GCDH: variants seen among roughly 807,000 people sequenced by gnomAD.
GCDH encodes glutaryl-CoA dehydrogenase, mitochondrial.
GCDH carries 31 observed loss-of-function variants against 52.8 expected under a neutral mutation model. That is an observed-to-expected ratio of 0.59 (90% CI 0.44 to 0.79). GCDH has a LOEUF of 0.79. Among genes scored for constraint, GCDH ranks in the 30% least tolerant of loss-of-function variants. GCDH has a pLI of 0.00. For missense variants in GCDH, 509 were observed against 595.0 expected, an observed-to-expected ratio of 0.86 and a Z score of 1.50; for synonymous variants, 242 against 250.0, an observed-to-expected ratio of 0.97 and a Z score of 0.30.
At chr19:12,895,543 G>A (rs1299702989) in intron 6 of GCDH, among the ~76,000 whole-genome samples, 1 of 151,850 alleles carries the variant, frequency 6.6e-6, no homozygotes, top group East Asian at 1.9e-4. Context: ...TTACATGTGT[G>A]AGCCACCTCG....
chr19:12,899,764 A>G lies in GCDH; in HGVS notation c.*223A>G. 1 of 1,609,600 alleles carries G rather than the reference A, an allele frequency of 6.2e-7. No individual in the cohort carries two copies. The highest frequency in any genetic ancestry group is 8.5e-7 in the Non-Finnish European group (1 of 1,176,834). On this transcript the variant is annotated 3_prime_UTR_variant, in exon 12 of 12. Coordinates refer to ENST00000222214, the MANE Select transcript of GCDH (RefSeq NM_000159.4). ...TGTAGAGCGTCTCAATCCACTTTTA[A>G]CCATGGATGAGAGCAGACTCCATTT...
At chr19:12,893,032 T>A (rs368713663) in intron 5 of GCDH, among the ~76,000 whole-genome samples, 2 of 151,428 alleles carry the variant, frequency 1.3e-5, no homozygotes, top group South Asian at 4.2e-4. Context: ...ATTACAGGGG[T>A]GCACCACCAC....
chr19:12,894,775 C>A, intron 6 of GCDH: 1 of 816,890 alleles, frequency 1.2e-6, no homozygotes, highest in Non-Finnish European at 1.9e-6. Flanking sequence ...AACTTTTGGC[C>A]AAGAGAATGA....
At chr19:12,897,127 G>A (rs1970699789) in intron 9 of GCDH, 114 bp downstream of exon 9, 1 of 1,186,994 alleles carries the variant, frequency 8.4e-7, no homozygotes. Flanking sequence ...TCCTTGCTCT[G>A]GAATGACCAG....
chr19:12,893,325 C>T (rs982553357), intron 5 of GCDH, among the ~76,000 whole-genome samples, 158 bp from the exon 6 acceptor site: 3 of 152,176 alleles, frequency 2.0e-5, no homozygotes, highest in African/African-American at 7.2e-5. Flanking sequence ...GTTGTCCCAC[C>T]CTCTGAAAGT....
chr19:12,899,327 T>C, intron 11 of GCDH, 141 bp from the exon 12 acceptor site: 2 of 1,612,086 alleles, frequency 1.2e-6, no homozygotes, highest in Non-Finnish European at 1.7e-6. Flanking sequence ...AAGGCGTGAG[T>C]CTCCCGGCAG....
intron 6 of GCDH, among the ~76,000 whole-genome samples, chr19:12,895,777 ATTTTTTT>A (rs56251518): frequency 3.6e-5 from 4 of 110,040 alleles, no homozygotes; most frequent in Non-Finnish European, 5.5e-5. Context: ...ACATCTGGCT[ATTTTTTT>A]TTTTTTTTTT....
At chr19:12,895,157 C>T (rs958624501) in intron 6 of GCDH, among the ~76,000 whole-genome samples, 2 of 152,214 alleles carry the variant, frequency 1.3e-5, no homozygotes, top group Non-Finnish European at 2.9e-5. Flanking sequence ...CTGGGTCCCC[C>T]TCCCCATCTT....
Position 12,891,471 on chromosome 19 carries a change from C to T in GCDH, c.92-16C>T, listed in dbSNP as rs1970554729. The T allele has an allele frequency of 1.9e-6, 3 of 1,614,178 alleles. No individual in the cohort carries two copies. The highest frequency in any genetic ancestry group is 1.3e-5 in the African/African-American group (1 of 75,040). On this transcript the variant is annotated splice_polypyrimidine_tract_variant and intron_variant, in intron 2 of 11. Transcript: ENST00000222214. Reference sequence around the variant, plus strand: ...TAGGGACTTTCCGGGGTGACTTTCCCGTTCTGTGCTTGCAGAGAAAGGCGG... The same window carrying T: ...TAGGGACTTTCCGGGGTGACTTTCCTGTTCTGTGCTTGCAGAGAAAGGCGG...
intron 11 of GCDH, 69 bp downstream of exon 11, chr19:12,897,932 C>A: frequency 7.3e-7 from 1 of 1,370,458 alleles, no homozygotes; most frequent in South Asian, 1.2e-5. Flanking sequence ...GGAGGTGGGA[C>A]GGGGACAGGT....
intron 11 of GCDH, among the ~76,000 whole-genome samples, chr19:12,898,555 G>A (rs1037066579): frequency 6.6e-6 from 1 of 151,240 alleles, no homozygotes; most frequent in African/African-American, 2.4e-5. Context: ...ACAAATGTGA[G>A]AATGACCCTG....
chr19:12,891,439 G>A (rs533991873), intron 2 of GCDH, 44 bp downstream of exon 2: 2 of 1,614,206 alleles, frequency 1.2e-6, no homozygotes, highest in Non-Finnish European at 1.7e-6. Context: ...GGGAGGAACT[G>A]GGGGTTTAGG....
At chr19:12,899,000 C>T (rs1162129986) in intron 11 of GCDH, 2 of 361,908 alleles carry the variant, frequency 5.5e-6, no homozygotes, top group Non-Finnish European at 1.1e-5. Context: ...CTATCCCTCC[C>T]GAGGGTAAGA....
intron 3 of GCDH, 111 bp downstream of exon 3, chr19:12,891,633 C>T: frequency 1.9e-6 from 3 of 1,610,172 alleles, no homozygotes; most frequent in Non-Finnish European, 2.5e-6. Flanking sequence ...GTGGCAGGGT[C>T]GTGGCCAGGG....
In GCDH at chr19:12,899,795, G is replaced by A. The variant is rs967281975; in HGVS notation, c.*254G>A. On this transcript the variant is annotated 3_prime_UTR_variant, in exon 12 of 12. Coordinates refer to ENST00000222214, the MANE Select transcript of GCDH (RefSeq NM_000159.4). ...GATGAGAGCAGACTCCATTTACCCT[G>A]AAATAGCAGCTTCTCTTGAGAGGAG... is the stretch of plus-strand genomic sequence containing the variant. The A allele has an allele frequency of 2.5e-6, 4 of 1,588,372 alleles. No individual in the cohort carries two copies. In the African/African-American group the frequency reaches 5.4e-5, roughly 21 times the overall value.
At chr19:12,897,677 T>C (rs1467696324) in intron 10 of GCDH, 26 bp from the exon 11 acceptor site, 1 of 1,613,766 alleles carries the variant, frequency 6.2e-7, no homozygotes, top group Admixed American at 1.7e-5. Flanking sequence ...TCCCCAGTCC[T>C]TGTTACCCTC....
rs1297986923 is a variant in GCDH at position 12,896,002 on chromosome 19, G to A, written c.516G>A (p.Glu172=). ...QKYLPQLAKG[E]LLGCFGLTEP... The stretch of plus-strand genomic sequence containing the variant: ...GTCTTGTGCCTGCAGCCAAGGGGGA[G>A]CTCCTGGGCTGCTTCGGGCTCACAG... Residue 172 remains glutamate (E), a synonymous_variant, in exon 7 of 12, where the codon GAG becomes GAA. Coordinates refer to ENST00000222214, the MANE Select transcript of GCDH (RefSeq NM_000159.4). This position sits in a 1 kb window ranked among gnomAD's most constrained non-coding sequence, Gnocchi z 5.5. The A allele has an allele frequency of 3.7e-6, 6 of 1,614,048 alleles. No homozygotes were observed. In the Admixed American group the frequency reaches 8.3e-5, roughly 22 times the overall value.
rs1970669374 is a variant in GCDH, at chr19:12,896,062, G to A, written c.576G>A (p.Glu192=). The A allele has an allele frequency of 6.2e-7, 1 of 1,614,106 alleles. No individual in the cohort carries two copies. The highest frequency in any genetic ancestry group is 8.5e-7 in the Non-Finnish European group (1 of 1,180,016). Residue 192 remains glutamate, a synonymous_variant, in exon 7 of 12, where the codon GAG becomes GAA. Transcript: ENST00000222214. The surrounding 1 kb of genome is among the most constrained non-coding windows in gnomAD (Gnocchi z 5.5). ...PNSGSDPSSM[E]TRAHYNSSNK... ...GCGGAAGTGACCCCAGCAGCATGGA[G>A]ACCAGAGCCCACTACAACTCATCCA...
chr19:12,892,311 CA>C (rs774538958), intron 5 of GCDH, 133 bp downstream of exon 5: 3 of 864,876 alleles, frequency 3.5e-6, no homozygotes, highest in Non-Finnish European at 5.6e-6. Context: ...TCTTCCCCCC[CA>C]ACAGAGTCTG....
Sources: gnomAD v4.1 joint callset for allele counts (sites outside exome capture counted in the v4.1 genomes callset) on GRCh38, gnomAD v4.1.1 for gene constraint, Gnocchi (gnomAD v3.1) non-coding constraint, MANE v1.5 for transcripts, NCBI Gene and HGNC (gene_info 2026-07-23, HGNC 2026-07-21) for gene names.